Variants in PPP6R3 observed in about 807,000 individuals in gnomAD.
PPP6R3 encodes protein phosphatase 6 regulatory subunit 3.
PPP6R3 carries 38 observed loss-of-function variants against 110.7 expected under a neutral mutation model. The ratio of observed to expected loss-of-function variants is 0.34; its 90% CI spans 0.26 to 0.45. PPP6R3 has a LOEUF of 0.45. Among genes scored for constraint, PPP6R3 ranks in the 20% least tolerant of loss-of-function variants. PPP6R3 has a pLI of 1.00. For missense variants in PPP6R3, 870 were observed against 1,062.4 expected (o/e 0.82, Z 2.52); for synonymous variants, 369 against 373.5 (o/e 0.99, Z 0.14).
chr11:68,599,798 T>C (rs976367716), intron 19 of PPP6R3, among the ~76,000 whole-genome samples: 1 of 152,156 alleles, frequency 6.6e-6, no homozygotes, highest in African/African-American at 2.4e-5. Context: ...TGAATCTCTG[T>C]GTAGTATTTC....
At chr11:68,582,396 G>A (rs1184213876) in intron 14 of PPP6R3, among the ~76,000 whole-genome samples, 1 of 152,204 alleles carries the variant, frequency 6.6e-6, no homozygotes, top group African/African-American at 2.4e-5. Context: ...CGATGAATTG[G>A]TGAGCAGTTC....
At chr11:68,519,385 T>A (rs2099152777) in intron 1 of PPP6R3, 116 bp from the exon 2 acceptor site, 1 of 384,906 alleles carries the variant, frequency 2.6e-6, no homozygotes, top group Admixed American at 4.5e-5. Context: ...ACTTTTTAAT[T>A]CCCTGTGGTA....
chr11:68,542,868 C>CT (rs2153667190), intron 3 of PPP6R3, among the ~76,000 whole-genome samples: 1 of 152,300 alleles, frequency 6.6e-6, no homozygotes, highest in Non-Finnish European at 1.5e-5. Flanking sequence ...CTCATCTGGA[C>CT]TTTCTCTGTC....
chr11:68,510,999 T>C (rs142360296), intron 1 of PPP6R3, among the ~76,000 whole-genome samples: 23 of 152,340 alleles, frequency 1.5e-4, no homozygotes, highest in Admixed American at 7.2e-4. Flanking sequence ...TAGAGGTTTG[T>C]TAACATTTTG....
chr11:68,549,504 A>G lies in PPP6R3; in HGVS notation c.552+1300A>G, dbSNP rs137962846. Among the ~76,000 whole-genome samples the G allele has an allele frequency of 1.7e-3, 264 of 152,194 alleles. 3 individuals are homozygous for G. The highest frequency in any genetic ancestry group is 0.017 in the Middle Eastern group (5 of 294). ...TCACTGTGAGTAAACAGCTGGGTGTATCTAGTGGGTGTCCTGGGACTTGTC... is the reference window on the plus strand; with the variant it reads ...TCACTGTGAGTAAACAGCTGGGTGTGTCTAGTGGGTGTCCTGGGACTTGTC... On this transcript the variant is annotated intron_variant, in intron 5 of 23. Transcript: ENST00000393800.
intron 4 of PPP6R3, among the ~76,000 whole-genome samples, chr11:68,545,485 A>G (rs2099345785): frequency 6.6e-6 from 1 of 152,158 alleles, no homozygotes; most frequent in Non-Finnish European, 1.5e-5. Flanking sequence ...TTTTGATTCT[A>G]CTCAAAACTT....
intron 8 of PPP6R3, among the ~76,000 whole-genome samples, chr11:68,563,934 C>T (rs957170858): frequency 3.3e-5 from 5 of 152,172 alleles, no homozygotes; most frequent in Admixed American, 3.3e-4. Flanking sequence ...ATTAATAACA[C>T]CCCAAACTGG....
intron 1 of PPP6R3, among the ~76,000 whole-genome samples, chr11:68,518,139 T>G (rs959317247): frequency 1.3e-5 from 2 of 152,196 alleles, no homozygotes; most frequent in African/African-American, 4.8e-5. Flanking sequence ...CTAAAACTAC[T>G]GGATGAACGT....
intron 1 of PPP6R3, among the ~76,000 whole-genome samples, chr11:68,508,617 T>C (rs2099091513): frequency 6.6e-6 from 1 of 152,250 alleles, no homozygotes. Context: ...TTAAGCAAGT[T>C]CACTTAGATG....
chr11:68,478,647 G>GTTTTTTTTTTTT (rs769296530), intron 1 of PPP6R3, among the ~76,000 whole-genome samples: 1,029 of 50,504 alleles, frequency 0.02, 377 homozygotes, highest in Middle Eastern at 0.18. Context: ...CACTTGGTAA[G>GTTTTTTTTTTTT]TTTTTTTTTT....
intron 14 of PPP6R3, among the ~76,000 whole-genome samples, chr11:68,577,292 A>T (rs2099535602): frequency 6.6e-6 from 1 of 152,126 alleles, no homozygotes; most frequent in South Asian, 2.1e-4. Context: ...AGTGTTCTGG[A>T]TAATCAGGGT....
intron 17 of PPP6R3, among the ~76,000 whole-genome samples, chr11:68,591,149 C>T (rs964660528): frequency 6.6e-6 from 1 of 151,554 alleles, no homozygotes; most frequent in Non-Finnish European, 1.5e-5. Context: ...CATGAGAGAC[C>T]ACTGGCTTAT....
In PPP6R3 at chr11:68,610,033, C is replaced by T. The variant is rs201290416; in HGVS notation, c.2570+10C>T. ...GCAGTCCCGAGCAGAGGTAACCACC[C>T]GCCTCCTCAAACCCACCCAGGCCCT... On this transcript the variant is annotated intron_variant, in intron 23 of 23. Coordinates refer to ENST00000393800, the MANE Select transcript of PPP6R3 (RefSeq NM_001164161.2). 3.3e-5 allele frequency: 53 copies of T among 1,612,714 alleles called. No individual in the cohort carries two copies. The highest frequency in any genetic ancestry group is 2.4e-4 in the African/African-American group (18 of 75,034).
At chr11:68,600,005 C>T (rs1593961489) in intron 19 of PPP6R3, among the ~76,000 whole-genome samples, 1 of 152,182 alleles carries the variant, frequency 6.6e-6, no homozygotes, top group Admixed American at 6.5e-5. Context: ...GCCAGTAATC[C>T]CAGCTACTCA....
intron 3 of PPP6R3, among the ~76,000 whole-genome samples, chr11:68,542,022 T>A (rs1375482875): frequency 6.6e-6 from 1 of 151,528 alleles, no homozygotes; most frequent in Non-Finnish European, 1.5e-5. Flanking sequence ...AGATTTGGAG[T>A]CAGGGGTGGT....
intron 1 of PPP6R3, among the ~76,000 whole-genome samples, chr11:68,486,536 C>T (rs990734584): frequency 3.5e-5 from 5 of 141,610 alleles, no homozygotes; most frequent in African/African-American, 1.1e-4. Context: ...ACCCGGGAGG[C>T]GGAGCTTGCA....
In PPP6R3 at chr11:68,614,252, T is replaced by C. The variant is rs1380032089; in HGVS notation, c.*1135T>C. ...TTTAGAACTGGTTTGTGTATATATA[T>C]AGTGATTATGGATACTAATTCAATG... On this transcript the variant is annotated 3_prime_UTR_variant, in exon 24 of 24. Transcript: ENST00000393800. 2 of 1,022,050 alleles carry C rather than the reference T, an allele frequency of 2.0e-6. No individual in the cohort carries two copies. Among genetic ancestry groups the C allele is most frequent in the Admixed American group, 5.6e-5 (1 of 17,864 alleles). 63.3% of individuals were successfully genotyped at this position (1,022,050 alleles called of 1,614,324 possible). A position where few individuals can be genotyped will look rare whatever the true frequency, so the allele number is the denominator to read the frequency against.
rs746741898 is a variant in PPP6R3, at chr11:68,603,452, C to T, written c.2410C>T (p.Leu804Phe). ...MNGGMKETLS[L>F]TVDAKTETAV... Reference sequence around the variant, plus strand: ...TGGCGGCATGAAGGAAACGCTCAGCCTCACTGTAGATGCCAAGACAGAGAC... The same window carrying T: ...TGGCGGCATGAAGGAAACGCTCAGCTTCACTGTAGATGCCAAGACAGAGAC... Residue 804 changes from leucine to phenylalanine, a missense_variant, in exon 22 of 24, where the codon CTC becomes TTC. Coordinates refer to ENST00000393800, the MANE Select transcript of PPP6R3 (RefSeq NM_001164161.2). The T allele has an allele frequency of 1.1e-5, 18 of 1,614,058 alleles. No individual in the cohort carries two copies. Among genetic ancestry groups the T allele is most frequent in the Non-Finnish European group, 1.4e-5 (16 of 1,180,040 alleles).
chr11:68,463,440 C>T (rs1448690930), intron 1 of PPP6R3, among the ~76,000 whole-genome samples: 1 of 147,568 alleles, frequency 6.8e-6, no homozygotes, highest in Non-Finnish European at 1.5e-5. Flanking sequence ...CTCTTTAAAA[C>T]AAGTGTCACG....
Sources: allele counts gnomAD v4.1 joint callset (sites outside exome capture counted in the v4.1 genomes callset), GRCh38; gene constraint gnomAD v4.1.1; transcripts MANE v1.5; gene names NCBI Gene and HGNC (gene_info 2026-07-23, HGNC 2026-07-21).